RUFY2: variants seen among roughly 807,000 people sequenced by gnomAD.
RUFY2 encodes the protein RUN and FYVE domain containing 2, also known as RUN and FYVE domain-containing protein 2.
Under a neutral mutation model 94.4 loss-of-function variants are expected in RUFY2, and 49 were observed. The ratio of observed to expected loss-of-function variants is 0.52; its 90% CI spans 0.41 to 0.66. The LOEUF is 0.66. Among genes scored for constraint, RUFY2 ranks in the 30% least tolerant of loss-of-function variants. The pLI is 0.00. For synonymous variants in RUFY2, 255 were observed against 235.7 expected, an observed-to-expected ratio of 1.08 and a Z score of -0.75; for missense variants, 541 against 692.8, an observed-to-expected ratio of 0.78 and a Z score of 2.46.
chr10:68,369,013 C>A (rs1363863817), intron 13 of RUFY2, among the ~76,000 whole-genome samples: 1 of 152,170 alleles, frequency 6.6e-6, no homozygotes, highest in Non-Finnish European at 1.5e-5. Context: ...TGGATTTCTA[C>A]TCTTGCCTGG....
At chr10:68,353,821 C>G (rs1345681568) in intron 16 of RUFY2, among the ~76,000 whole-genome samples, 1 of 151,452 alleles carries the variant, frequency 6.6e-6, no homozygotes, top group East Asian at 1.9e-4. Flanking sequence ...AATAAAATAA[C>G]ATAAATAAAA....
rs1207541664 is a variant in RUFY2 at position 68,345,360 on chromosome 10, T to C, written c.*408A>G. 2 of 369,338 alleles carry C rather than the reference T, an allele frequency of 5.4e-6. No homozygotes were observed. The highest frequency in any genetic ancestry group is 4.2e-5 in the African/African-American group (2 of 48,106). The allele number at this position is 369,338 out of a possible 1,614,324, so 22.9% of individuals were successfully genotyped here. A position where few individuals can be genotyped will look rare whatever the true frequency, so the allele number is the denominator to read the frequency against. On this transcript the variant is annotated 3_prime_UTR_variant, in exon 18 of 18. Transcript: ENST00000602465. ...TCTGTTGAATTAGAATATTAATAATTTTAAAAGTTTTATGCGTTTCCAGTT... is the reference window on the plus strand; with the variant it reads ...TCTGTTGAATTAGAATATTAATAATCTTAAAAGTTTTATGCGTTTCCAGTT...
At chr10:68,394,572 T>C (rs2050239177) in intron 4 of RUFY2, 121 bp from the exon 5 acceptor site, 1 of 603,984 alleles carries the variant, frequency 1.7e-6, no homozygotes, top group Non-Finnish European at 2.9e-6. Context: ...CTCAGTTAGG[T>C]GCCTTCAAAT....
chr10:68,351,849 G>A (rs1406206931), intron 16 of RUFY2, among the ~76,000 whole-genome samples: 2 of 151,286 alleles, frequency 1.3e-5, no homozygotes, highest in African/African-American at 4.8e-5. Context: ...CTGAGGTCAG[G>A]AGTTCGAGAC....
intron 13 of RUFY2, among the ~76,000 whole-genome samples, chr10:68,368,015 G>A (rs1002049631): frequency 1.3e-5 from 2 of 151,218 alleles, no homozygotes; most frequent in African/African-American, 4.9e-5. Flanking sequence ...GCCCAGGCTG[G>A]AGTGAAGTGG....
At chr10:68,396,694 C>T in intron 4 of RUFY2, 86 bp downstream of exon 4, 2 of 800,292 alleles carry the variant, frequency 2.5e-6, no homozygotes, top group Non-Finnish European at 4.0e-6. Context: ...GTTATATATC[C>T]TTTCATATTA....
chr10:68,363,080 TG>T (rs752582328), intron 15 of RUFY2, among the ~76,000 whole-genome samples: 1 of 152,254 alleles, frequency 6.6e-6, no homozygotes, highest in African/African-American at 2.4e-5. Flanking sequence ...TTTCATCTAC[TG>T]GGAAATATTC....
At chr10:68,364,264 A>G in intron 13 of RUFY2, 151 bp from the exon 14 acceptor site, 2 of 752,612 alleles carry the variant, frequency 2.7e-6, no homozygotes, top group Non-Finnish European at 4.0e-6. Context: ...TTTTCAGTAA[A>G]CAAGTTCAGC....
At chr10:68,394,956 G>T (rs2050281513) in intron 4 of RUFY2, among the ~76,000 whole-genome samples, 1 of 150,732 alleles carries the variant, frequency 6.6e-6, no homozygotes, top group Admixed American at 6.6e-5. Flanking sequence ...AAATTTAAAT[G>T]TCTCTATTGA....
chr10:68,364,178 T>G, intron 13 of RUFY2, 65 bp from the exon 14 acceptor site: 1 of 1,453,256 alleles, frequency 6.9e-7, no homozygotes, highest in Non-Finnish European at 9.3e-7. Flanking sequence ...TTATGTATTC[T>G]TTACTAAAAT....
At chr10:68,384,013 G>T (rs761719958) in intron 9 of RUFY2, 38 bp downstream of exon 9, 2 of 1,590,534 alleles carry the variant, frequency 1.3e-6, no homozygotes, top group Non-Finnish European at 1.7e-6. Context: ...GGTAATTTCT[G>T]ACACGAGATT....
chr10:68,394,730 C>T (rs1803756620), intron 4 of RUFY2, among the ~76,000 whole-genome samples: 1 of 151,682 alleles, frequency 6.6e-6, no homozygotes. Context: ...CCCGGGTTCA[C>T]ACCATTTTCC....
intron 13 of RUFY2, among the ~76,000 whole-genome samples, chr10:68,371,382 A>G (rs1665840947): frequency 6.6e-6 from 1 of 151,918 alleles, no homozygotes; most frequent in Non-Finnish European, 1.5e-5. Flanking sequence ...AGATCGCACC[A>G]CTGCACTCCA....
intron 16 of RUFY2, among the ~76,000 whole-genome samples, chr10:68,351,921 G>C (rs1350601573): frequency 6.6e-6 from 1 of 151,598 alleles, no homozygotes; most frequent in Non-Finnish European, 1.5e-5. Context: ...GCTGGGCATG[G>C]TGGTGGGTGC....
chr10:68,360,105 G>A (rs1055977111), intron 15 of RUFY2, among the ~76,000 whole-genome samples: 5 of 151,968 alleles, frequency 3.3e-5, no homozygotes, highest in Admixed American at 6.6e-5. Flanking sequence ...GATTGCAGGC[G>A]TAGCCACAGC....
At chr10:68,394,188 G>C (rs1425003711) in intron 5 of RUFY2, 52 bp from the exon 6 acceptor site, 2 of 1,501,142 alleles carry the variant, frequency 1.3e-6, no homozygotes, top group Non-Finnish European at 1.8e-6. Flanking sequence ...TACTTTATCA[G>C]AAGTACCTTT....
At chr10:68,346,170 G>T in intron 16 of RUFY2, 86 bp from the exon 17 acceptor site, 2 of 924,478 alleles carry the variant, frequency 2.2e-6, no homozygotes, top group South Asian at 1.5e-5. Context: ...ATTATTTATA[G>T]GAATAGATAT....
chr10:68,372,969 G>T (rs530472963), intron 13 of RUFY2, among the ~76,000 whole-genome samples: 95 of 151,656 alleles, frequency 6.3e-4, no homozygotes, highest in African/African-American at 2.2e-3. Context: ...GGAGCTTCAG[G>T]AATAAAAAAT....
At chr10:68,400,744 G>T (rs994356411) in intron 3 of RUFY2, among the ~76,000 whole-genome samples, 1 of 151,542 alleles carries the variant, frequency 6.6e-6, no homozygotes, top group Non-Finnish European at 1.5e-5. Context: ...TTGGCGCGGT[G>T]GCTCACGCCT....
Sources: allele counts gnomAD v4.1 joint callset (sites outside exome capture counted in the v4.1 genomes callset), GRCh38; gene constraint gnomAD v4.1.1; transcripts MANE v1.5; gene names NCBI Gene and HGNC (gene_info 2026-07-23, HGNC 2026-07-21).